RAD54B: variants seen among roughly 807,000 people sequenced by gnomAD.
RAD54B encodes RAD54 homolog B.
Under a neutral mutation model 95.8 loss-of-function variants are expected in RAD54B, and 78 were observed. That is an observed-to-expected ratio of 0.81 (90% CI 0.68 to 0.98). RAD54B has a LOEUF of 0.98. RAD54B is among the 50% of genes least tolerant of loss of function. RAD54B has a pLI of 0.00. For synonymous variants in RAD54B, 328 were observed against 354.9 expected (o/e 0.92, Z 0.85); for missense variants, 957 against 1,056.6 (o/e 0.91, Z 1.31).
chr8:94,449,642 T>C (rs993763886), intron 3 of RAD54B, among the ~76,000 whole-genome samples: 1 of 151,042 alleles, frequency 6.6e-6, no homozygotes, highest in Non-Finnish European at 1.5e-5. Flanking sequence ...AAATGGTCTA[T>C]ACTCTGGAGA....
At chr8:94,404,048 T>C (rs368716897) in intron 6 of RAD54B, 29 bp downstream of exon 6, 8 of 1,515,502 alleles carry the variant, frequency 5.3e-6, no homozygotes, top group Admixed American at 2.0e-5. Context: ...AAATTCAGAT[T>C]AGATTAAACA....
rs1380462663 is a variant in RAD54B, at chr8:94,396,337, C to T, written c.1379-2455G>A. ...TTTCAAGAGTATGGGAAAGAAACTT[C>T]TGAGAAAATGAAAGGACTCTTTCTT... On this transcript the variant is annotated intron_variant, in intron 8 of 14. Coordinates refer to ENST00000336148, the MANE Select transcript of RAD54B (RefSeq NM_012415.3). Among the ~76,000 whole-genome samples the T allele has an allele frequency of 7.3e-5, 11 of 151,212 alleles. No individual in the cohort carries two copies. The South Asian group carries it at 2.3e-3, about 31-fold the overall frequency.
At chr8:94,417,667 AAAG>A (rs140151434) in intron 3 of RAD54B, among the ~76,000 whole-genome samples, 2,142 of 152,088 alleles carry the variant, frequency 0.014, 44 homozygotes, top group African/African-American at 0.048. Flanking sequence ...CACCAAAATA[AAAG>A]AAGAAGAAGA....
intron 3 of RAD54B, among the ~76,000 whole-genome samples, chr8:94,418,628 C>T (rs571014871): frequency 1.3e-5 from 2 of 152,240 alleles, no homozygotes; most frequent in African/African-American, 4.8e-5. Flanking sequence ...ACACCCTCCC[C>T]TTACCCAAAA....
rs919518792 is a variant in RAD54B at position 94,428,211 on chromosome 8, A to G, written c.305-16896T>C. On this transcript the variant is annotated intron_variant, in intron 3 of 14. Coordinates refer to ENST00000336148, the MANE Select transcript of RAD54B (RefSeq NM_012415.3). The stretch of plus-strand genomic sequence containing the variant: ...TATACTTAGTATATTTATCAAATGT[A>G]GTATATTTCTACAGAATCAAGTCTA... The G allele has an allele frequency of 9.3e-6, 8 of 859,852 alleles. No homozygotes were observed. The African/African-American group carries it at 1.3e-4, about 14-fold the overall frequency. 53.3% of individuals were successfully genotyped at this position (859,852 alleles called of 1,614,324 possible). A position where few individuals can be genotyped will look rare whatever the true frequency, so the allele number is the denominator to read the frequency against.
chr8:94,404,356 C>G, intron 5 of RAD54B, 117 bp from the exon 6 acceptor site: 1 of 964,240 alleles, frequency 1.0e-6, no homozygotes, highest in Non-Finnish European at 1.4e-6. Context: ...CAAAAAAGTC[C>G]AAAATTTAGT....
Position 94,409,356 on chromosome 8 carries a change from G to C in RAD54B, c.500-1636C>G, listed in dbSNP as rs960666878. 1.1e-4 allele frequency among the ~76,000 whole-genome samples: 16 copies of C among 151,504 alleles called. 1 individual carries two copies. Among genetic ancestry groups the C allele is most frequent in the South Asian group, 1.0e-3 (5 of 4,792 alleles). ...AAAGAAAGGTCAGAGTCTGGGCATC[G>C]GCATTTCTTTTCTTTTTCTTTCTTT... On this transcript the variant is annotated intron_variant, in intron 4 of 14. Transcript: ENST00000336148.
chr8:94,397,833 G>A (rs1240333410), intron 8 of RAD54B, among the ~76,000 whole-genome samples: 1 of 151,778 alleles, frequency 6.6e-6, no homozygotes, highest in East Asian at 1.9e-4. Context: ...TAAGCAGTAA[G>A]AAGAAACAGT....
chr8:94,460,483 TA>T (rs1463091224), intron 2 of RAD54B, among the ~76,000 whole-genome samples: 11 of 151,678 alleles, frequency 7.3e-5, no homozygotes, highest in Non-Finnish European at 1.6e-4. Context: ...AAAATAAAAA[TA>T]AAAAAAAGAT....
intron 8 of RAD54B, 26 bp downstream of exon 8, chr8:94,399,388 A>G (rs1811213832): frequency 3.1e-6 from 5 of 1,599,830 alleles, no homozygotes; most frequent in Non-Finnish European, 3.4e-6. Flanking sequence ...AAATTCCAAA[A>G]TATCTTCCCC....
chr8:94,463,891 C>A, intron 2 of RAD54B, among the ~76,000 whole-genome samples: 1 of 82,332 alleles, frequency 1.2e-5, no homozygotes, highest in African/African-American at 5.0e-5. Context: ...AAGACCCTAT[C>A]TCAAAAAAAA....
At chr8:94,431,044 C>A (rs1448601566) in intron 3 of RAD54B, 1 of 985,232 alleles carries the variant, frequency 1.0e-6, no homozygotes, top group Non-Finnish European at 1.2e-6. Flanking sequence ...CCCCATTCTA[C>A]AACTTGGCTT....
At chr8:94,416,462 C>T (rs1191585107) in intron 3 of RAD54B, among the ~76,000 whole-genome samples, 2 of 150,920 alleles carry the variant, frequency 1.3e-5, no homozygotes, top group East Asian at 3.9e-4. Flanking sequence ...CACATGTATA[C>T]ATATGTAACT....
intron 13 of RAD54B, 33 bp from the exon 14 acceptor site, chr8:94,378,413 G>A: frequency 6.4e-7 from 1 of 1,573,304 alleles, no homozygotes; most frequent in Non-Finnish European, 8.7e-7. Context: ...ATTTCCTTCA[G>A]ATCTTTATGT....
At chr8:94,412,495 C>T (rs144092623) in intron 3 of RAD54B, among the ~76,000 whole-genome samples, 13 of 151,418 alleles carry the variant, frequency 8.6e-5, no homozygotes, top group Admixed American at 4.0e-4. Context: ...ATTAAAATTA[C>T]GTTGTCTCCT....
chr8:94,419,747 CAAAAAAAAAAAA>C, intron 3 of RAD54B, among the ~76,000 whole-genome samples: 2 of 70,316 alleles, frequency 2.8e-5, no homozygotes, highest in East Asian at 8.9e-4. Context: ...TGGCCCCCAC[CAAAAAAAAAAAA>C]AAAAAAAAAG....
chr8:94,468,026 C>T (rs1436261893), intron 1 of RAD54B: 1 of 152,700 alleles, frequency 6.5e-6, no homozygotes, highest in East Asian at 1.9e-4. Context: ...GTCATACCCA[C>T]AAGCCAGAGC....
intron 14 of RAD54B, among the ~76,000 whole-genome samples, chr8:94,377,686 A>T (rs967077844): frequency 1.3e-5 from 2 of 151,172 alleles, no homozygotes; most frequent in African/African-American, 4.9e-5. Flanking sequence ...AGAGAATAAG[A>T]GTCTACTGGG....
rs1024097641 is a variant in RAD54B, at chr8:94,372,051, T to C, written c.*119A>G. 27 of 1,421,900 alleles carry C rather than the reference T, an allele frequency of 1.9e-5. No individual in the cohort carries two copies. The Middle Eastern group carries it at 1.0e-3, about 55-fold the overall frequency. The allele number at this position is 1,421,900 out of a possible 1,614,324, so 88.1% of individuals were successfully genotyped here. On this transcript the variant is annotated 3_prime_UTR_variant, in exon 15 of 15. Coordinates refer to ENST00000336148, the MANE Select transcript of RAD54B (RefSeq NM_012415.3). ...TCAATTTTGACTATTGTATCAAAAG[T>C]GATATATTTTGCAACATATACTGTA...
Sources: gnomAD v4.1 joint callset for allele counts (sites outside exome capture counted in the v4.1 genomes callset) on GRCh38, gnomAD v4.1.1 for gene constraint, MANE v1.5 for transcripts, NCBI Gene and HGNC (gene_info 2026-07-23, HGNC 2026-07-21) for gene names.